CAMKMT: variants seen among roughly 807,000 people sequenced by gnomAD.
The protein encoded by CAMKMT is CaM KMT.
A neutral mutation model predicts 48.0 loss-of-function variants in CAMKMT; 53 were observed. The ratio of observed to expected loss-of-function variants is 1.10; its 90% confidence interval spans 0.89 to 1.39. CAMKMT has a LOEUF of 1.39. Among genes scored for constraint, CAMKMT ranks in the 40% most tolerant of loss-of-function variants. The pLI is 0.00. For missense variants in CAMKMT, 428 were observed against 402.7 expected (o/e 1.06, Z -0.54); for synonymous variants, 165 against 152.3 (o/e 1.08, Z -0.61).
At chr2:44,372,254 G>A (rs148867675) in intron 1 of CAMKMT, among the ~76,000 whole-genome samples, 2,146 of 152,216 alleles carry the variant, frequency 0.014, 19 homozygotes, top group Non-Finnish European at 0.024. Context: ...GGAGGCCAGG[G>A]TTGAAGATCA....
intron 3 of CAMKMT, among the ~76,000 whole-genome samples, chr2:44,413,339 A>C (rs1355252858): frequency 6.6e-6 from 1 of 152,052 alleles, no homozygotes; most frequent in East Asian, 1.9e-4. Flanking sequence ...ATCTAAATAT[A>C]ACCATCACGT....
At chr2:44,496,896 T>G (rs983624453) in intron 3 of CAMKMT, among the ~76,000 whole-genome samples, 8 of 152,200 alleles carry the variant, frequency 5.3e-5, no homozygotes, top group African/African-American at 1.9e-4. Flanking sequence ...CTGCTGGCAG[T>G]GTTTTTTGTT....
At chr2:44,769,083 C>G (rs1379492674) in intron 10 of CAMKMT, among the ~76,000 whole-genome samples, 4 of 151,304 alleles carry the variant, frequency 2.6e-5, no homozygotes, top group South Asian at 2.1e-4. Flanking sequence ...CACCCCTCCT[C>G]TTACAACAGG....
intron 3 of CAMKMT, among the ~76,000 whole-genome samples, chr2:44,489,537 C>T (rs1216964316): frequency 1.3e-5 from 2 of 152,126 alleles, no homozygotes; most frequent in South Asian, 2.1e-4. Context: ...TGAGCCACTG[C>T]GCCTGGCCGG....
At chr2:44,382,454 T>C (rs1680342590) in intron 2 of CAMKMT, among the ~76,000 whole-genome samples, 1 of 151,922 alleles carries the variant, frequency 6.6e-6, no homozygotes, top group African/African-American at 2.4e-5. Flanking sequence ...GTCAGTCATA[T>C]TGCAAATAAC....
chr2:44,414,810 C>G (rs552696857), intron 3 of CAMKMT, among the ~76,000 whole-genome samples: 1 of 152,310 alleles, frequency 6.6e-6, no homozygotes, highest in East Asian at 1.9e-4. Flanking sequence ...CAAAGCTACA[C>G]TTGAACTGTC....
chr2:44,390,364 G>C (rs1290894365), intron 3 of CAMKMT, 59 bp downstream of exon 3: 1 of 1,242,498 alleles, frequency 8.0e-7, no homozygotes, highest in African/African-American at 1.5e-5. Context: ...TGAATTTATA[G>C]TTGATGTTTT....
chr2:44,653,733 G>A lies in CAMKMT; in HGVS notation c.377-50550G>A, dbSNP rs146928764. 5.9e-3 allele frequency among the ~76,000 whole-genome samples: 902 copies of A among 152,254 alleles called. 13 individuals carry two copies. Among genetic ancestry groups the A allele is most frequent in the African/African-American group, 0.021 (858 of 41,548 alleles). Reference sequence around the variant, plus strand: ...TTAAGTAAATTAATCTTTTGGGATTGTAGATATAATAGCAATAATTTGGAG... The same window carrying A: ...TTAAGTAAATTAATCTTTTGGGATTATAGATATAATAGCAATAATTTGGAG... On this transcript the variant is annotated intron_variant, in intron 3 of 10. Coordinates refer to ENST00000378494, the MANE Select transcript of CAMKMT (RefSeq NM_024766.5). The surrounding 1 kb of genome is among the most constrained non-coding windows in gnomAD (Gnocchi z 5.2).
intron 3 of CAMKMT, among the ~76,000 whole-genome samples, chr2:44,500,777 A>G (rs1453828592): frequency 6.7e-6 from 1 of 149,386 alleles, no homozygotes; most frequent in African/African-American, 2.5e-5. Context: ...TGCCTCCTGG[A>G]TTCAAACGAT....
intron 3 of CAMKMT, among the ~76,000 whole-genome samples, chr2:44,567,593 G>T (rs984700536): frequency 6.6e-6 from 1 of 151,938 alleles, no homozygotes; most frequent in African/African-American, 2.4e-5. Context: ...AGGAAGCTCA[G>T]TTCAGGGCTC....
chr2:44,596,848 A>G (rs12622145), intron 3 of CAMKMT, among the ~76,000 whole-genome samples: 1 of 151,978 alleles, frequency 6.6e-6, no homozygotes, highest in Admixed American at 6.6e-5. Flanking sequence ...AAAATTATGC[A>G]TATATAATAG....
chr2:44,496,414 G>A (rs556876200), intron 3 of CAMKMT, among the ~76,000 whole-genome samples: 1 of 152,324 alleles, frequency 6.6e-6, no homozygotes, highest in East Asian at 1.9e-4. Flanking sequence ...TATTTATTAT[G>A]TATTTGTAAG....
intron 1 of CAMKMT, among the ~76,000 whole-genome samples, chr2:44,371,603 G>A (rs1259404674): frequency 6.6e-6 from 1 of 152,112 alleles, no homozygotes; most frequent in Non-Finnish European, 1.5e-5. Context: ...TAAAGCTAGA[G>A]AGAACAATAC....
intron 3 of CAMKMT, among the ~76,000 whole-genome samples, chr2:44,581,392 A>C (rs1669552261): frequency 6.6e-6 from 1 of 152,184 alleles, no homozygotes; most frequent in African/African-American, 2.4e-5. Flanking sequence ...TAGAGCTTGG[A>C]ATTAAATCTG....
chr2:44,699,649 G>A (rs1003091792), intron 3 of CAMKMT, among the ~76,000 whole-genome samples: 2 of 151,840 alleles, frequency 1.3e-5, no homozygotes, highest in African/African-American at 4.8e-5. Flanking sequence ...AGGGTGGAGT[G>A]CAGTGGCTAT....
intron 3 of CAMKMT, among the ~76,000 whole-genome samples, chr2:44,454,426 A>G (rs1452990387): frequency 6.6e-6 from 1 of 152,126 alleles, no homozygotes; most frequent in Non-Finnish European, 1.5e-5. Flanking sequence ...AAAATAAACT[A>G]AATATATAGC....
chr2:44,681,546 T>A (rs1163210210), intron 3 of CAMKMT, among the ~76,000 whole-genome samples: 4 of 152,068 alleles, frequency 2.6e-5, no homozygotes, highest in Non-Finnish European at 5.9e-5. Context: ...CCAGCTTTTT[T>A]TTTTTTTTTG....
chr2:44,482,625 G>T (rs564181517), intron 3 of CAMKMT, among the ~76,000 whole-genome samples: 5 of 152,016 alleles, frequency 3.3e-5, no homozygotes, highest in East Asian at 1.9e-4. Context: ...TAAAATGCTG[G>T]GACCGTTTTC....
rs530472663 is a variant in CAMKMT at position 44,618,217 on chromosome 2, C to G, written c.377-86066C>G. 5.3e-5 allele frequency among the ~76,000 whole-genome samples: 8 copies of G among 152,308 alleles called. No homozygotes were observed. The South Asian group carries it at 1.7e-3, about 32-fold the overall frequency. ...CAAAGAGGTTTTGTTGGGTAGCTCT[C>G]AGATTATTGAGTGACAAACTTTATT... On this transcript the variant is annotated intron_variant, in intron 3 of 10. Coordinates refer to ENST00000378494, the MANE Select transcript of CAMKMT (RefSeq NM_024766.5). The surrounding 1 kb of genome is among the most constrained non-coding windows in gnomAD (Gnocchi z 4.0).
Sources: allele counts gnomAD v4.1 joint callset (sites outside exome capture counted in the v4.1 genomes callset), GRCh38; gene constraint gnomAD v4.1.1; non-coding constraint Gnocchi (gnomAD v3.1); transcripts MANE v1.5; gene names NCBI Gene and HGNC (gene_info 2026-07-23, HGNC 2026-07-21).